Variants in WASF3 observed in about 807,000 individuals in gnomAD.
WASF3 encodes actin-binding protein WASF3.
A neutral mutation model predicts 46.6 loss-of-function variants in WASF3; 11 were observed. That is an observed-to-expected ratio of 0.24 (90% CI 0.15 to 0.39). WASF3 has a LOEUF of 0.39. Ranked by LOEUF, WASF3 falls within the 10% of genes least tolerant of loss-of-function variation. WASF3 has a pLI of 1.00. For synonymous variants in WASF3, 242 were observed against 259.7 expected, an observed-to-expected ratio of 0.93 and a Z score of 0.65; for missense variants, 576 against 669.8, an observed-to-expected ratio of 0.86 and a Z score of 1.55.
intron 1 of WASF3, among the ~76,000 whole-genome samples, chr13:26,596,883 G>A (rs529486287): frequency 9.2e-5 from 14 of 152,220 alleles, no homozygotes; most frequent in Middle Eastern, 3.4e-3. Flanking sequence ...TAAGCTCATC[G>A]AATGAGTTCT....
At chr13:26,575,414 T>C (rs577106859) in intron 1 of WASF3, among the ~76,000 whole-genome samples, 53 of 152,350 alleles carry the variant, frequency 3.5e-4, no homozygotes, top group African/African-American at 1.2e-3. Flanking sequence ...TTTGCTTACG[T>C]TTCTTTAGTC....
intron 1 of WASF3, among the ~76,000 whole-genome samples, chr13:26,562,836 T>TTCCTCCCCTCCCGTCCCCTC (rs1879334048): frequency 1.9e-5 from 1 of 53,636 alleles, no homozygotes; most frequent in Non-Finnish European, 3.8e-5. Flanking sequence ...GTAGGCTGAT[T>TTCCTCCCCTCCCGTCCCCTC]TCCTCCCCTC....
At chr13:26,639,177 T>G (rs190447389) in intron 2 of WASF3, among the ~76,000 whole-genome samples, 31 of 152,358 alleles carry the variant, frequency 2.0e-4, no homozygotes, top group Non-Finnish European at 3.4e-4. Context: ...TACTACATTA[T>G]TAGAACTTTA....
chr13:26,570,107 G>GA, intron 1 of WASF3, among the ~76,000 whole-genome samples: 1 of 152,276 alleles, frequency 6.6e-6, no homozygotes, highest in Admixed American at 6.5e-5. Flanking sequence ...CCAATGTGGT[G>GA]AAACCCCATC....
At chr13:26,630,270 A>T (rs1458830648) in intron 2 of WASF3, among the ~76,000 whole-genome samples, 1 of 152,090 alleles carries the variant, frequency 6.6e-6, no homozygotes, top group Non-Finnish European at 1.5e-5. Flanking sequence ...CTAACTCGTC[A>T]TTTACATTAG....
intron 1 of WASF3, among the ~76,000 whole-genome samples, chr13:26,599,762 C>T (rs4770999): frequency 0.84 from 128,564 of 152,218 alleles, 54,325 homozygotes; most frequent in East Asian, 0.9. Context: ...ATATCTGATA[C>T]TTACTTCCTG....
chr13:26,543,790 C>A, the WASF3 span, among the ~76,000 whole-genome samples: 1 of 152,222 alleles, frequency 6.6e-6, no homozygotes, highest in Non-Finnish European at 1.5e-5. Flanking sequence ...CCCAGCCTCA[C>A]TAAGCTTGAC....
intron 1 of WASF3, among the ~76,000 whole-genome samples, chr13:26,590,857 C>A (rs1880270237): frequency 6.6e-6 from 1 of 152,056 alleles, no homozygotes; most frequent in African/African-American, 2.4e-5. Context: ...GTAAAGGAGA[C>A]AAATTAATAA....
At chr13:26,656,737 C>G (rs1882478458) in intron 3 of WASF3, among the ~76,000 whole-genome samples, 1 of 151,938 alleles carries the variant, frequency 6.6e-6, no homozygotes, top group Non-Finnish European at 1.5e-5. Context: ...TATGTTTTCT[C>G]CGATCTGTAA....
chr13:26,594,185 T>A (rs1199507617), intron 1 of WASF3, among the ~76,000 whole-genome samples: 1 of 152,202 alleles, frequency 6.6e-6, no homozygotes, highest in Non-Finnish European at 1.5e-5. Flanking sequence ...CATTTTGTAT[T>A]TACTCCCCTT....
intron 5 of WASF3, among the ~76,000 whole-genome samples, chr13:26,669,889 C>T (rs901847014): frequency 2.6e-5 from 4 of 152,150 alleles, no homozygotes; most frequent in Non-Finnish European, 5.9e-5. Context: ...GAAATAGGAA[C>T]GCTTTTATAC....
chr13:26,611,031 C>CTTT (rs71080282), intron 1 of WASF3, among the ~76,000 whole-genome samples: 2,745 of 110,502 alleles, frequency 0.025, 98 homozygotes, highest in Middle Eastern at 0.04. Flanking sequence ...TTACTTACTC[C>CTTT]TTTTTTTTTT....
chr13:26,668,896 T>C (rs1882847503), intron 5 of WASF3, among the ~76,000 whole-genome samples: 1 of 152,240 alleles, frequency 6.6e-6, no homozygotes, highest in Admixed American at 6.5e-5. Flanking sequence ...TGGCTTTGCA[T>C]TTGTTCAATA....
chr13:26,557,040 C>T (rs1426250583), upstream of WASF3, among the ~76,000 whole-genome samples: 1 of 152,138 alleles, frequency 6.6e-6, no homozygotes, highest in Non-Finnish European at 1.5e-5. Flanking sequence ...CTATGTTCCA[C>T]TGTGGCAGGG....
intron 3 of WASF3, among the ~76,000 whole-genome samples, chr13:26,662,778 T>G (rs1593177067): frequency 1.3e-5 from 2 of 152,186 alleles, no homozygotes; most frequent in Non-Finnish European, 2.9e-5. Context: ...CCTGCACATG[T>G]ACCCTCTGAA....
In WASF3 at chr13:26,665,076, A is replaced by G. The variant is rs1378865423; in HGVS notation, c.182A>G (p.Asn61Ser). ...IFGELFNEAN[N>S]FYIRANSLQD... ...GGTGAGTTGTTTAATGAGGCTAACAACTTCTACATCAGAGCAAATTCTCTT... is the reference window on the plus strand; with the variant it reads ...GGTGAGTTGTTTAATGAGGCTAACAGCTTCTACATCAGAGCAAATTCTCTT... The change falls in exon 4 of 10, where the codon AAC becomes AGC. Residue 61 changes from asparagine (N) to serine (S), a missense_variant. Asn to Ser is a conservative substitution (Grantham distance 46). Around this residue, in one of 3 missense-constraint regions of WASF3, gnomAD observed 213 missense variants for 278.0 expected, o/e 0.77. Transcript: ENST00000335327. 6.2e-7 allele frequency: 1 copy of G among 1,614,184 alleles called. No individual in the cohort carries two copies. The highest frequency in any genetic ancestry group is 1.7e-5 in the Admixed American group (1 of 60,020).
intron 1 of WASF3, among the ~76,000 whole-genome samples, chr13:26,566,090 C>A (rs755510894): frequency 1.3e-5 from 2 of 152,160 alleles, no homozygotes; most frequent in African/African-American, 2.4e-5. Flanking sequence ...GGTTTTATTT[C>A]TTAGGCTATT....
intron 1 of WASF3, among the ~76,000 whole-genome samples, chr13:26,561,229 C>G (rs116480819): frequency 0.017 from 2,623 of 152,124 alleles, 85 homozygotes; most frequent in African/African-American, 0.06. Context: ...AAGAGGGACA[C>G]GGTCAAATTT....
intron 1 of WASF3, among the ~76,000 whole-genome samples, chr13:26,566,257 A>C (rs1335720480): frequency 6.6e-6 from 1 of 152,208 alleles, no homozygotes; most frequent in Non-Finnish European, 1.5e-5. Context: ...TATGTACTTT[A>C]TTCAGATTTT....
Sources: allele counts gnomAD v4.1 joint callset (sites outside exome capture counted in the v4.1 genomes callset), GRCh38; gene constraint gnomAD v4.1.1; regional missense constraint gnomAD v4.1.1; transcripts MANE v1.5; gene names NCBI Gene and HGNC (gene_info 2026-07-23, HGNC 2026-07-21).